RBM33: variants seen among roughly 807,000 people sequenced by gnomAD.
The protein encoded by RBM33 is RNA binding motif protein 33.
A neutral mutation model predicts 132.6 loss-of-function variants in RBM33; 28 were observed. The ratio of observed to expected loss-of-function variants is 0.21; its 90% confidence interval spans 0.16 to 0.29. The LOEUF is 0.29. Ranked by LOEUF, RBM33 falls within the 10% of genes least tolerant of loss-of-function variation. The pLI is 1.00. For synonymous variants in RBM33, 634 were observed against 593.0 expected (o/e 1.07, Z -1.01); for missense variants, 1,291 against 1,518.5 (o/e 0.85, Z 2.49).
In RBM33 at chr7:155,775,198, T is replaced by TCCAG. The variant is rs1400391469; in HGVS notation, c.*158_*161dup. 2 of 734,298 alleles carry TCCAG rather than the reference T, an allele frequency of 2.7e-6. No individual in the cohort carries two copies. The highest frequency in any genetic ancestry group is 3.5e-5 in the African/African-American group (2 of 57,754). The allele number at this position is 734,298 out of a possible 1,614,324, so 45.5% of individuals were successfully genotyped here. A position where few individuals can be genotyped will look rare whatever the true frequency, so the allele number is the denominator to read the frequency against. Reference sequence around the variant, plus strand: ...AGCGCCAGCCAGCCACGGGCCTGATTCCAGAGGAGCCGAACTGACAGGACA... The same window carrying TCCAG: ...AGCGCCAGCCAGCCACGGGCCTGATTCCAGCCAGAGGAGCCGAACTGACAGGACA... On this transcript the variant is annotated 3_prime_UTR_variant, in exon 18 of 18. Transcript: ENST00000401878.
intron 15 of RBM33, among the ~76,000 whole-genome samples, chr7:155,765,901 G>A (rs1802199842): frequency 6.6e-6 from 1 of 152,182 alleles, no homozygotes; most frequent in African/African-American, 2.4e-5. Flanking sequence ...TGCAGACGAT[G>A]GAAATGTGCA....
intron 8 of RBM33, among the ~76,000 whole-genome samples, chr7:155,712,983 AGAT>A: frequency 6.6e-6 from 1 of 152,328 alleles, no homozygotes; most frequent in Admixed American, 6.5e-5. Context: ...AGGAGGTGAC[AGAT>A]GATCCTGGTG....
At chr7:155,729,285 G>T (rs1192262603) in intron 9 of RBM33, among the ~76,000 whole-genome samples, 1 of 152,118 alleles carries the variant, frequency 6.6e-6, no homozygotes. Context: ...ATTACAGTTC[G>T]AGATGAGATT....
chr7:155,656,317 C>G (rs1798489548), intron 1 of RBM33, among the ~76,000 whole-genome samples: 2 of 152,228 alleles, frequency 1.3e-5, no homozygotes, highest in South Asian at 4.1e-4. Context: ...CATGGTGGCA[C>G]AAAATCATGG....
chr7:155,753,574 C>T (rs1189908470), intron 14 of RBM33, among the ~76,000 whole-genome samples: 1 of 152,156 alleles, frequency 6.6e-6, no homozygotes, highest in East Asian at 1.9e-4. Context: ...CTGAGAGGGG[C>T]CAGATAGAAG....
chr7:155,664,154 G>T (rs974142031), intron 1 of RBM33, among the ~76,000 whole-genome samples: 1 of 152,172 alleles, frequency 6.6e-6, no homozygotes, highest in African/African-American at 2.4e-5. Flanking sequence ...TGTGCTGTGT[G>T]TGCAAAATAA....
chr7:155,693,332 C>CTTTTTTTTTTTTTTT (rs11417256), intron 5 of RBM33, among the ~76,000 whole-genome samples: 1 of 146,716 alleles, frequency 6.8e-6, no homozygotes. Context: ...ATTTTTTTTT[C>CTTTTTTTTTTTTTTT]TTTTTTTTTT....
chr7:155,701,877 G>A (rs950537607), intron 6 of RBM33, among the ~76,000 whole-genome samples: 8 of 152,088 alleles, frequency 5.3e-5, no homozygotes, highest in South Asian at 2.1e-4. Flanking sequence ...TAGTAGAGAC[G>A]GGGTTTCACC....
intron 4 of RBM33, among the ~76,000 whole-genome samples, chr7:155,679,668 A>T (rs1370506719): frequency 6.6e-6 from 1 of 152,246 alleles, no homozygotes; most frequent in Admixed American, 6.5e-5. Context: ...GGTAAAAATA[A>T]GTTTTAAATT....
At chr7:155,688,942 T>C (rs547957315) in intron 5 of RBM33, among the ~76,000 whole-genome samples, 1 of 152,316 alleles carries the variant, frequency 6.6e-6, no homozygotes, top group South Asian at 2.1e-4. Flanking sequence ...TTCTTTTTTG[T>C]TGTGTCTCTG....
intron 9 of RBM33, 144 bp from the exon 10 acceptor site, chr7:155,737,386 T>TGTGG: frequency 2.9e-6 from 2 of 689,574 alleles, no homozygotes; most frequent in East Asian, 3.0e-5. Flanking sequence ...TGTGTGTGTG[T>TGTGG]AGAAAGAGAA....
chr7:155,691,380 T>C (rs1799636041), intron 5 of RBM33, among the ~76,000 whole-genome samples: 1 of 152,238 alleles, frequency 6.6e-6, no homozygotes, highest in African/African-American at 2.4e-5. Context: ...TAATCTTTTT[T>C]CAAGGTTTTT....
intron 9 of RBM33, among the ~76,000 whole-genome samples, chr7:155,735,721 C>CTCTG (rs1554481629): frequency 5.2e-4 from 68 of 131,546 alleles, no homozygotes; most frequent in African/African-American, 2.4e-3. Flanking sequence ...CTCTCTCTGT[C>CTCTG]TCTCTCTCTC....
chr7:155,745,103 T>G lies in RBM33; in HGVS notation c.2480T>G (p.Leu827Arg). Residue 827 changes from leucine to arginine, a missense_variant, in exon 14 of 18, where the codon CTC becomes CGC. Transcript: ENST00000401878. This position sits in a 1 kb window ranked among gnomAD's most constrained non-coding sequence, Gnocchi z 4.1. Reference protein sequence around the residue: ...GARKKELLERLAQQQQQLYAP... With the variant: ...GARKKELLERRAQQQQQLYAP... ...AGGAAGAAGGAGCTGCTGGAGAGAC[T>G]CGCGCAGCAACAGCAGCAGCTGTAC... The G allele has an allele frequency of 6.3e-7, 1 of 1,599,134 alleles. No homozygotes were observed. Among genetic ancestry groups the G allele is most frequent in the Admixed American group, 1.7e-5 (1 of 57,254 alleles).
intron 2 of RBM33, 117 bp from the exon 3 acceptor site, chr7:155,672,744 CAAAAAA>C (rs559042068): frequency 0.013 from 4,539 of 348,530 alleles, no homozygotes; most frequent in South Asian, 0.022. Flanking sequence ...GGCTTTGTCT[CAAAAAA>C]AAAAAAAAAA....
chr7:155,766,696 G>A, intron 16 of RBM33, 41 bp downstream of exon 16: 1 of 1,565,024 alleles, frequency 6.4e-7, no homozygotes, highest in Non-Finnish European at 8.7e-7. Context: ...GGGTAGTTGT[G>A]TCCCAAGACA....
chr7:155,696,610 G>T (rs559795130), intron 5 of RBM33, among the ~76,000 whole-genome samples: 1 of 152,222 alleles, frequency 6.6e-6, no homozygotes, highest in African/African-American at 2.4e-5. Context: ...TCAGAAATGG[G>T]TATTGAATTT....
chr7:155,667,728 C>A (rs1400093054), intron 2 of RBM33, among the ~76,000 whole-genome samples: 1 of 152,088 alleles, frequency 6.6e-6, no homozygotes, highest in East Asian at 1.9e-4. Flanking sequence ...TGCTTTTTGT[C>A]CTTAAGAAAT....
In RBM33 at chr7:155,778,050, T is replaced by C. The variant is rs1802679010; in HGVS notation, c.*3009T>C. The stretch of plus-strand genomic sequence containing the variant: ...TGGTCTGGCCACGTTTGTTAAATCC[T>C]TATACTGATATTCTTCTAAAGAGTA... On this transcript the variant is annotated 3_prime_UTR_variant, in exon 18 of 18. Coordinates refer to ENST00000401878, the MANE Select transcript of RBM33 (RefSeq NM_053043.3). This position sits in a 1 kb window ranked among gnomAD's most constrained non-coding sequence, Gnocchi z 4.0. 1 of 152,680 alleles carries C rather than the reference T, an allele frequency of 6.5e-6. No individual in the cohort carries two copies. The highest frequency in any genetic ancestry group is 2.4e-5 in the African/African-American group (1 of 41,466). 9.5% of individuals were successfully genotyped at this position (152,680 alleles called of 1,614,324 possible). A position where few individuals can be genotyped will look rare whatever the true frequency, so the allele number is the denominator to read the frequency against.
Sources: allele counts gnomAD v4.1 joint callset (sites outside exome capture counted in the v4.1 genomes callset), GRCh38; gene constraint gnomAD v4.1.1; non-coding constraint Gnocchi (gnomAD v3.1); transcripts MANE v1.5; gene names NCBI Gene and HGNC (gene_info 2026-07-23, HGNC 2026-07-21).